The following EPHA5 variants were observed in gnomAD, a reference collection of about 807,000 sequenced individuals.
EPHA5 encodes the protein EPH receptor A5.
In EPHA5, 60 loss-of-function variants were observed where a neutral mutation model predicts 105.0. The ratio of observed to expected loss-of-function variants is 0.57; its 90% CI spans 0.46 to 0.71. The LOEUF (loss-of-function observed/expected upper bound fraction) is 0.71. Ranked by LOEUF, EPHA5 falls within the 30% of genes least tolerant of loss-of-function variation. The pLI, the probability that EPHA5 is intolerant of heterozygous loss-of-function variation, is 0.00. For synonymous variants in EPHA5, 513 were observed against 449.1 expected, an observed-to-expected ratio of 1.14 and a Z score of -1.80; for missense variants, 1,218 against 1,274.7, an observed-to-expected ratio of 0.96 and a Z score of 0.68.
intron 3 of EPHA5, among the ~76,000 whole-genome samples, chr4:65,501,813 G>T (rs554112693): frequency 6.6e-6 from 1 of 151,612 alleles, no homozygotes; most frequent in South Asian, 2.1e-4. Context: ...AAGCCAAAAG[G>T]AACAAAGTGA....
intron 5 of EPHA5, among the ~76,000 whole-genome samples, chr4:65,440,772 G>A (rs1725938977): frequency 6.6e-6 from 1 of 151,926 alleles, no homozygotes; most frequent in African/African-American, 2.4e-5. Context: ...AGGGAGAGAA[G>A]GAGAAGAAAA....
chr4:65,627,418 T>A (rs1471853338), intron 2 of EPHA5, among the ~76,000 whole-genome samples: 1 of 152,144 alleles, frequency 6.6e-6, no homozygotes, highest in Non-Finnish European at 1.5e-5. Context: ...TAGACTCAAC[T>A]TGAGTATAGA....
intron 3 of EPHA5, among the ~76,000 whole-genome samples, chr4:65,574,601 TATATATATATAC>T (rs1167801750): frequency 1.1e-5 from 1 of 87,788 alleles, no homozygotes; most frequent in African/African-American, 4.7e-5. Context: ...TATATTGCTG[TATATATATATAC>T]ATATATATAT....
chr4:65,413,901 A>G (rs946825566), intron 7 of EPHA5, among the ~76,000 whole-genome samples: 3 of 152,180 alleles, frequency 2.0e-5, no homozygotes, highest in African/African-American at 7.2e-5. Flanking sequence ...ACTGCTAAAG[A>G]AAGCTCCCTG....
At chr4:65,511,528 C>A (rs1733626774) in intron 3 of EPHA5, among the ~76,000 whole-genome samples, 1 of 152,094 alleles carries the variant, frequency 6.6e-6, no homozygotes, top group South Asian at 2.1e-4. Flanking sequence ...TTACCTTATA[C>A]TGTAAAATAC....
intron 3 of EPHA5, among the ~76,000 whole-genome samples, chr4:65,523,099 G>A (rs1362833756): frequency 6.6e-6 from 1 of 151,894 alleles, no homozygotes; most frequent in Non-Finnish European, 1.5e-5. Context: ...CACAGCACTG[G>A]TGGTTAGACC....
chr4:65,333,363 GT>G (rs1451872722), intron 15 of EPHA5, among the ~76,000 whole-genome samples: 6 of 151,602 alleles, frequency 4.0e-5, no homozygotes, highest in Non-Finnish European at 8.8e-5. Flanking sequence ...AGTTGAGATG[GT>G]CAATGATCTC....
chr4:65,572,074 A>T (rs1740250437), intron 3 of EPHA5, among the ~76,000 whole-genome samples: 1 of 152,064 alleles, frequency 6.6e-6, no homozygotes, highest in African/African-American at 2.4e-5. Flanking sequence ...AGGGGTTAAG[A>T]TATTCTTTTT....
At chr4:65,491,764 T>C (rs979710465) in intron 4 of EPHA5, among the ~76,000 whole-genome samples, 1 of 152,074 alleles carries the variant, frequency 6.6e-6, no homozygotes, top group African/African-American at 2.4e-5. Flanking sequence ...ATGAATTTCA[T>C]ATATTAAGGG....
chr4:65,593,974 G>T (rs1252424994), intron 3 of EPHA5, among the ~76,000 whole-genome samples: 1 of 152,048 alleles, frequency 6.6e-6, no homozygotes, highest in Non-Finnish European at 1.5e-5. Context: ...TTGCTAAATC[G>T]CACTCTGAGT....
rs183192179 is a variant in EPHA5 at position 65,331,988 on chromosome 4, G to A, written c.2930C>T (p.Ala977Val). 1 of 1,606,592 alleles carries A rather than the reference G, an allele frequency of 6.2e-7. No homozygotes were observed. The highest frequency in any genetic ancestry group is 2.2e-5 in the East Asian group (1 of 44,714). ...AATTACTCACTCCAAGGTCACCTGA[G>A]CCACAGCGTCCATTGAACTGTATCC... ...ENGYSSMDAVAQVTLEDLRRL... is the reference protein window; with the variant it reads ...ENGYSSMDAVVQVTLEDLRRL... The change falls in exon 16 of 17, where the codon GCT (alanine) becomes GTT (valine). Residue 977 changes from alanine to valine, a missense_variant. Around this residue, in one of 3 missense-constraint regions of EPHA5, gnomAD observed 971 missense variants for 1,013.5 expected, o/e 0.96. Transcript: ENST00000613740.
intron 5 of EPHA5, among the ~76,000 whole-genome samples, chr4:65,437,678 T>C (rs1029491414): frequency 1.3e-5 from 2 of 151,968 alleles, no homozygotes; most frequent in Non-Finnish European, 2.9e-5. Flanking sequence ...CATATTGGAT[T>C]CAGAGTGAAT....
chr4:65,353,010 C>T (rs3792649), intron 12 of EPHA5, 32 bp downstream of exon 12: 945,196 of 1,384,710 alleles, frequency 0.68, 325,787 homozygotes, highest in East Asian at 0.82. Context: ...ATAAATAACA[C>T]CTTGAATAAC....
chr4:65,624,455 A>G (rs996498375), intron 2 of EPHA5, among the ~76,000 whole-genome samples: 1 of 152,138 alleles, frequency 6.6e-6, no homozygotes, highest in African/African-American at 2.4e-5. Flanking sequence ...AAGAACTTTT[A>G]TTTACTGTTA....
intron 2 of EPHA5, among the ~76,000 whole-genome samples, chr4:65,638,775 T>C (rs959853019): frequency 6.6e-6 from 1 of 152,070 alleles, no homozygotes; most frequent in African/African-American, 2.4e-5. Flanking sequence ...ATTTCCTGAA[T>C]GAATGGAGCA....
rs35534836 is a variant in EPHA5, at chr4:65,447,794, C to CA, written c.1403-27230dup. Among the ~76,000 whole-genome samples, 840 of 144,792 alleles carry CA rather than the reference C, an allele frequency of 5.8e-3. 9 individuals carry two copies. Among genetic ancestry groups the CA allele is most frequent in the African/African-American group, 0.019 (738 of 38,846 alleles). The allele number at this position is 144,792 out of a possible 152,430, so 95.0% of individuals were successfully genotyped here. ...TTGAATAAATTTACCCTTATCTGAC[C>CA]AAAAAAAAAATGATTTGAAGAAATT... On this transcript the variant is annotated intron_variant, in intron 5 of 16. Transcript: ENST00000613740.
rs1331509406 is a variant in EPHA5 at position 65,601,946 on chromosome 4, A to G, written c.605T>C (p.Val202Ala). 3 of 1,614,188 alleles carry G rather than the reference A, an allele frequency of 1.9e-6. No individual in the cohort carries two copies. Among genetic ancestry groups the G allele is most frequent in the Middle Eastern group, 1.6e-4 (1 of 6,062 alleles). Residue 202 changes from valine (V) to alanine (A), a missense_variant, in exon 3 of 17, where the codon GTA (valine) becomes GCA (alanine). By Grantham distance (64) the Val-to-Ala change is moderately conservative. Transcript: ENST00000613740. ...VMKLNTEVRD[V>A]GPLSKKGFYL... ...AAATCCCTTTTTGCTTAGAGGTCCT[A>G]CATCTCTGACCTCTGTATTCAGTTT...
intron 2 of EPHA5, among the ~76,000 whole-genome samples, chr4:65,634,083 T>G (rs888200820): frequency 6.6e-6 from 1 of 151,990 alleles, no homozygotes; most frequent in Non-Finnish European, 1.5e-5. Context: ...AAGTAATACT[T>G]AAATCTAAAG....
In EPHA5 at chr4:65,365,102, T is replaced by C. The variant is rs946168616; in HGVS notation, c.2088A>G (p.Gln696=). 2 of 1,611,984 alleles carry C rather than the reference T, an allele frequency of 1.2e-6. No individual in the cohort carries two copies. The highest frequency in any genetic ancestry group is 1.7e-6 in the Non-Finnish European group (2 of 1,178,532). The change falls in exon 11 of 17, where the codon CAA becomes CAG. Residue 696 remains glutamine, a synonymous_variant. Transcript: ENST00000613740. ...KTLKVGYTEK[Q]RRDFLGEASI... Reference sequence around the variant, plus strand: ...TTGCTTCACCTAGGAAATCTCTGCGTTGCTTTTCAGTATAGCCTACTTTAA... The same window carrying C: ...TTGCTTCACCTAGGAAATCTCTGCGCTGCTTTTCAGTATAGCCTACTTTAA...
Sources: gnomAD v4.1 joint callset for allele counts (sites outside exome capture counted in the v4.1 genomes callset) on GRCh38, gnomAD v4.1.1 for gene constraint, gnomAD v4.1.1 regional missense constraint, MANE v1.5 for transcripts, NCBI Gene and HGNC (gene_info 2026-07-23, HGNC 2026-07-21) for gene names.